The following TBC1D5 variants were observed in gnomAD, a reference collection of about 807,000 sequenced individuals.
TBC1D5 encodes TBC1 domain family member 5, also known as TBC1 domain family, member 5.
TBC1D5 carries 75 observed loss-of-function variants against 100.3 expected under a neutral mutation model. The observed-to-expected ratio is 0.75, with a 90% CI of 0.62 to 0.91. TBC1D5 has a LOEUF of 0.91. Among genes scored for constraint, TBC1D5 ranks in the 40% least tolerant of loss-of-function variants. TBC1D5 has a pLI of 0.00. For missense variants in TBC1D5, 910 were observed against 942.4 expected (o/e 0.97, Z 0.45); for synonymous variants, 323 against 325.6 (o/e 0.99, Z 0.09).
chr3:17,550,671 C>G (rs1378391372), intron 2 of TBC1D5, among the ~76,000 whole-genome samples: 1 of 152,030 alleles, frequency 6.6e-6, no homozygotes, highest in African/African-American at 2.4e-5. Context: ...AACAAAATGT[C>G]ATAAAATAAT....
intron 4 of TBC1D5, among the ~76,000 whole-genome samples, chr3:17,407,997 T>C (rs1001076859): frequency 2.0e-5 from 3 of 152,160 alleles, no homozygotes; most frequent in African/African-American, 7.2e-5. Context: ...TTGTAAAACC[T>C]GCTTTTTGCC....
At chr3:17,270,008 C>A (rs933620205) in intron 15 of TBC1D5, among the ~76,000 whole-genome samples, 2 of 152,088 alleles carry the variant, frequency 1.3e-5, no homozygotes, top group Admixed American at 1.3e-4. Context: ...TGGGCATATA[C>A]CCAGTAATGC....
chr3:17,408,384 C>T (rs952520185), intron 4 of TBC1D5, among the ~76,000 whole-genome samples: 4 of 151,982 alleles, frequency 2.6e-5, no homozygotes. Context: ...CCACAGCTCA[C>T]TTTAGCCTTG....
intron 13 of TBC1D5, among the ~76,000 whole-genome samples, chr3:17,351,738 G>GAA (rs2151683321): frequency 6.7e-6 from 1 of 150,048 alleles, no homozygotes; most frequent in African/African-American, 2.4e-5. Context: ...TTAAAAAAAA[G>GAA]AATATTCTGA....
chr3:17,358,561 A>G (rs1002957076), intron 13 of TBC1D5, among the ~76,000 whole-genome samples: 4 of 152,122 alleles, frequency 2.6e-5, no homozygotes, highest in Admixed American at 6.5e-5. Context: ...GTTCTCTTTA[A>G]TAAAACCTGA....
chr3:17,530,354 G>A (rs2096204958), intron 2 of TBC1D5, among the ~76,000 whole-genome samples: 1 of 152,068 alleles, frequency 6.6e-6, no homozygotes, highest in Non-Finnish European at 1.5e-5. Context: ...GGGGTTGGGG[G>A]GTGGTTACAA....
intron 2 of TBC1D5, among the ~76,000 whole-genome samples, chr3:17,549,732 A>C (rs781534904): frequency 3.3e-5 from 5 of 152,110 alleles, no homozygotes; most frequent in Non-Finnish European, 7.4e-5. Context: ...GGAGTTCAAG[A>C]CCAGCCTGGC....
At chr3:17,192,101 A>G (rs2069992128) in intron 18 of TBC1D5, among the ~76,000 whole-genome samples, 2 of 152,168 alleles carry the variant, frequency 1.3e-5, no homozygotes, top group South Asian at 4.1e-4. Flanking sequence ...GGTTTCTTTC[A>G]AATGGTGGAA....
At chr3:17,304,412 C>CT (rs1051350850) in intron 14 of TBC1D5, among the ~76,000 whole-genome samples, 37 of 151,916 alleles carry the variant, frequency 2.4e-4, no homozygotes, top group Non-Finnish European at 4.0e-4. Flanking sequence ...TTTCATAGAT[C>CT]TTTTTTTTGT....
chr3:17,198,377 G>T (rs1181305677), intron 18 of TBC1D5, among the ~76,000 whole-genome samples: 1 of 152,126 alleles, frequency 6.6e-6, no homozygotes, highest in Non-Finnish European at 1.5e-5. Flanking sequence ...GTGAGTAGCT[G>T]TTGAAAACGC....
At chr3:17,599,449 C>T (rs757995220) in intron 2 of TBC1D5, among the ~76,000 whole-genome samples, 6 of 152,144 alleles carry the variant, frequency 3.9e-5, no homozygotes, top group Admixed American at 6.5e-5. Context: ...AGATTATCTT[C>T]CCAACCCATC....
chr3:17,328,506 T>C (rs995633473), intron 13 of TBC1D5, among the ~76,000 whole-genome samples: 64 of 152,280 alleles, frequency 4.2e-4, no homozygotes, highest in Non-Finnish European at 8.7e-4. Flanking sequence ...GAAAAGTGAT[T>C]TGTCCGGTCA....
At chr3:17,737,751 T>C (rs554157685) in intron 1 of TBC1D5, among the ~76,000 whole-genome samples, 1 of 152,090 alleles carries the variant, frequency 6.6e-6, no homozygotes, top group African/African-American at 2.4e-5. Flanking sequence ...AACACTCTTG[T>C]CTTAACAAAA....
intron 2 of TBC1D5, among the ~76,000 whole-genome samples, chr3:17,573,560 T>C (rs752421148): frequency 2.0e-5 from 3 of 152,218 alleles, no homozygotes; most frequent in South Asian, 2.1e-4. Context: ...CAAAAATCTA[T>C]AGGCTTTCTA....
intron 1 of TBC1D5, among the ~76,000 whole-genome samples, chr3:17,626,454 T>C (rs1448727770): frequency 2.0e-5 from 3 of 152,182 alleles, no homozygotes; most frequent in Non-Finnish European, 2.9e-5. Flanking sequence ...CAAAGAAATA[T>C]AACATGGTCC....
intron 4 of TBC1D5, among the ~76,000 whole-genome samples, chr3:17,424,170 T>C (rs1259784215): frequency 6.6e-6 from 1 of 152,204 alleles, no homozygotes; most frequent in African/African-American, 2.4e-5. Context: ...TTTTTAAATG[T>C]TCGCCTTCAA....
At chr3:17,433,240 G>C (rs61057228) in intron 3 of TBC1D5, among the ~76,000 whole-genome samples, 13,830 of 152,168 alleles carry the variant, frequency 0.091, 1,404 homozygotes, top group African/African-American at 0.25. Flanking sequence ...CAGCGGACAT[G>C]AATAGAACAT....
chr3:17,439,584 A>C (rs2094601950), intron 3 of TBC1D5, among the ~76,000 whole-genome samples: 1 of 152,168 alleles, frequency 6.6e-6, no homozygotes. Flanking sequence ...CAAATAAAAA[A>C]ATTCCAAAAA....
At chr3:17,285,487 C>G (rs1439971353) in intron 15 of TBC1D5, among the ~76,000 whole-genome samples, 1 of 151,798 alleles carries the variant, frequency 6.6e-6, no homozygotes, top group Admixed American at 6.6e-5. Context: ...GTCTCGATCT[C>G]CTGACCTCGT....
Sources: gnomAD v4.1 joint callset for allele counts (sites outside exome capture counted in the v4.1 genomes callset) on GRCh38, gnomAD v4.1.1 for gene constraint, MANE v1.5 for transcripts, NCBI Gene and HGNC (gene_info 2026-07-23, HGNC 2026-07-21) for gene names.